The following ERI1 variants were observed in gnomAD, a reference collection of about 807,000 sequenced individuals.
ERI1 encodes the protein 3'-5' exoribonuclease 1.
ERI1 carries 39 observed loss-of-function variants against 39.7 expected under a neutral mutation model. The ratio of observed to expected loss-of-function variants is 0.98; its 90% CI spans 0.76 to 1.28. The LOEUF is 1.28. Among genes scored for constraint, ERI1 ranks in the 50% most tolerant of loss-of-function variants. The probability of loss-of-function intolerance (pLI) is 0.00; values close to 1 mark genes in which losing one functional copy is unlikely to be tolerated. For synonymous variants in ERI1, 204 were observed against 149.6 expected (o/e 1.36, Z -2.65); for missense variants, 581 against 416.9 (o/e 1.39, Z -3.43).
intron 3 of ERI1, among the ~76,000 whole-genome samples, chr8:9,088,792 G>A (rs1185183654): frequency 3.9e-5 from 6 of 152,298 alleles, no homozygotes; most frequent in African/African-American, 1.2e-4. Context: ...TCACATGCAC[G>A]TCATTGCCTT....
chr8:9,078,717 T>A (rs1187962320), intron 3 of ERI1, among the ~76,000 whole-genome samples: 2 of 152,162 alleles, frequency 1.3e-5, no homozygotes, highest in East Asian at 3.8e-4. Context: ...AATCAGTGAC[T>A]CCAGGGTGGG....
chr8:9,013,078 A>C lies in ERI1; in HGVS notation c.498+1326A>C, dbSNP rs114593441. 5.8e-3 allele frequency among the ~76,000 whole-genome samples: 880 copies of C among 151,804 alleles called. 9 individuals carry two copies. Among genetic ancestry groups the C allele is most frequent in the African/African-American group, 0.02 (808 of 41,350 alleles). On this transcript the variant is annotated intron_variant, in intron 3 of 6. Coordinates refer to ENST00000250263, the MANE Select transcript of ERI1 (RefSeq NM_153332.4). ...TACCCAGACTTGAGTGCAGTGGTGC[A>C]AACCCAGCTGACTGCAACCTCCACC...
At chr8:9,007,935 C>CTTTTTTTTT (rs556702690) in intron 1 of ERI1, 35 bp from the exon 2 acceptor site, 3 of 969,294 alleles carry the variant, frequency 3.1e-6, no homozygotes, top group South Asian at 1.7e-5. Flanking sequence ...AAACTACATC[C>CTTTTTTTTT]TTTTTTTTTT....
At chr8:9,073,787 C>T (rs545344906) in intron 3 of ERI1, among the ~76,000 whole-genome samples, 20 of 152,242 alleles carry the variant, frequency 1.3e-4, no homozygotes, top group African/African-American at 4.6e-4. Context: ...AATCAGGACT[C>T]TAAGGACTGA....
chr8:9,007,004 A>G (rs142538250), intron 1 of ERI1, among the ~76,000 whole-genome samples: 125 of 152,346 alleles, frequency 8.2e-4, no homozygotes, highest in African/African-American at 2.8e-3. Flanking sequence ...ACAAGCTTTA[A>G]TAGGGATAAT....
chr8:9,081,416 G>C (rs960952019), intron 3 of ERI1, among the ~76,000 whole-genome samples: 4 of 152,156 alleles, frequency 2.6e-5, no homozygotes, highest in African/African-American at 9.7e-5. Flanking sequence ...CTTTATACTA[G>C]TCTGGTTACT....
chr8:9,018,982 C>G (rs774129355), intron 5 of ERI1, among the ~76,000 whole-genome samples: 2 of 152,074 alleles, frequency 1.3e-5, no homozygotes, highest in Non-Finnish European at 2.9e-5. Context: ...GACATCTGAC[C>G]ATATATTCTG....
downstream of ERI1, among the ~76,000 whole-genome samples, chr8:9,036,017 T>A (rs1419961173): frequency 6.6e-6 from 1 of 152,202 alleles, no homozygotes; most frequent in African/African-American, 2.4e-5. Flanking sequence ...AGTGAAGATG[T>A]GACTGAATTG....
At chr8:9,092,919 C>A (rs1303774400) in intron 3 of ERI1, among the ~76,000 whole-genome samples, 1 of 152,204 alleles carries the variant, frequency 6.6e-6, no homozygotes, top group African/African-American at 2.4e-5. Flanking sequence ...TCTGTTCAGG[C>A]CTGTCTCCTG....
At chr8:9,008,649 A>G (rs1359289699) in intron 2 of ERI1, among the ~76,000 whole-genome samples, 1 of 152,244 alleles carries the variant, frequency 6.6e-6, no homozygotes, top group Non-Finnish European at 1.5e-5. Flanking sequence ...TGAGAAAACA[A>G]TGCAACTTAG....
At chr8:9,033,550 A>T (rs1299481293), downstream of ERI1, among the ~76,000 whole-genome samples, 1 of 135,898 alleles carries the variant, frequency 7.4e-6, no homozygotes, top group African/African-American at 2.7e-5. Flanking sequence ...CTGTGATGAG[A>T]GCGTAGAGCT....
intron 3 of ERI1, among the ~76,000 whole-genome samples, chr8:9,059,186 C>A (rs781371473): frequency 1.3e-5 from 2 of 152,064 alleles, no homozygotes; most frequent in African/African-American, 4.8e-5. Flanking sequence ...TCAGTTTAGG[C>A]AGGAACAGGC....
intron 6 of ERI1, among the ~76,000 whole-genome samples, chr8:9,020,809 A>G (rs1563325653): frequency 6.6e-6 from 1 of 152,212 alleles, no homozygotes. Context: ...AATGTTTAAA[A>G]TATTATTGCA....
At chr8:9,006,801 C>G (rs959546616) in intron 1 of ERI1, among the ~76,000 whole-genome samples, 3 of 152,086 alleles carry the variant, frequency 2.0e-5, no homozygotes, top group African/African-American at 7.2e-5. Flanking sequence ...CTCTTGAGTA[C>G]TCTGGCACCT....
intron 3 of ERI1, among the ~76,000 whole-genome samples, chr8:9,078,699 A>G (rs916025546): frequency 6.6e-6 from 1 of 152,218 alleles, no homozygotes; most frequent in Non-Finnish European, 1.5e-5. Flanking sequence ...GTCCACCCAG[A>G]CCTGCTGAAT....
intron 3 of ERI1, among the ~76,000 whole-genome samples, chr8:9,093,483 TGGAAG>T (rs1799774473): frequency 6.8e-6 from 1 of 147,426 alleles, no homozygotes; most frequent in Admixed American, 6.7e-5. Flanking sequence ...ATAATATTTT[TGGAAG>T]GGAAGACCTT....
intron 6 of ERI1, among the ~76,000 whole-genome samples, chr8:9,027,194 T>TTA (rs1186515041): frequency 6.6e-6 from 1 of 150,882 alleles, no homozygotes; most frequent in African/African-American, 2.4e-5. Flanking sequence ...GCCATTCTAA[T>TTA]GGGTGTGAAG....
intron 4 of ERI1, 90 bp from the exon 5 acceptor site, chr8:9,018,207 T>G: frequency 3.1e-6 from 2 of 648,338 alleles, no homozygotes; most frequent in Non-Finnish European, 2.7e-6. Flanking sequence ...CTCATACTGT[T>G]TCTTCCCCTC....
intron 3 of ERI1, among the ~76,000 whole-genome samples, chr8:9,075,392 G>A (rs1435173438): frequency 2.0e-5 from 3 of 152,102 alleles, no homozygotes; most frequent in East Asian, 1.9e-4. Context: ...AGAGATTACC[G>A]AGGAGTTTGT....
Sources: allele counts gnomAD v4.1 joint callset (sites outside exome capture counted in the v4.1 genomes callset), GRCh38; gene constraint gnomAD v4.1.1; transcripts MANE v1.5; gene names NCBI Gene and HGNC (gene_info 2026-07-23, HGNC 2026-07-21).